The following FGF12 variants were observed in gnomAD, a reference collection of about 807,000 sequenced individuals.
FGF12 encodes the protein fibroblast growth factor 12, also known as fibroblast growth factor 12B.
In FGF12, 14 loss-of-function variants were observed where a neutral mutation model predicts 23.6. The ratio of observed to expected loss-of-function variants is 0.59; its 90% CI spans 0.39 to 0.93. FGF12 has a LOEUF of 0.93. Ranked by LOEUF, FGF12 falls within the 40% of genes least tolerant of loss-of-function variation. The pLI is 0.00. For synonymous variants in FGF12, 62 were observed against 77.3 expected, an observed-to-expected ratio of 0.80 and a Z score of 1.04; for missense variants, 175 against 217.8, an observed-to-expected ratio of 0.80 and a Z score of 1.24.
In FGF12 at chr3:192,669,462, C is replaced by T. The variant is rs113549223; in HGVS notation, c.13+57719G>A. On this transcript the variant is annotated intron_variant, in intron 2 of 5. Transcript: ENST00000445105. ...TTTAGCTGGGCATGGTGGTGGGGAC[C>T]TATAGTCCCAGCTACTTGGGAAACT... Among the ~76,000 whole-genome samples the T allele has an allele frequency of 7.1e-3, 1,081 of 151,828 alleles. 14 individuals carry two copies. The highest frequency in any genetic ancestry group is 0.024 in the African/African-American group (999 of 41,388).
At chr3:192,291,669 A>T (rs1714765893) in intron 4 of FGF12, among the ~76,000 whole-genome samples, 1 of 152,216 alleles carries the variant, frequency 6.6e-6, no homozygotes, top group African/African-American at 2.4e-5. Flanking sequence ...TACTCTGGGA[A>T]GTACTGGCTT....
At chr3:192,453,485 CT>C (rs2108802846) in intron 2 of FGF12, among the ~76,000 whole-genome samples, 1 of 152,204 alleles carries the variant, frequency 6.6e-6, no homozygotes, top group South Asian at 2.1e-4. Flanking sequence ...TCACATTTAA[CT>C]TCAAGGTCAT....
intron 2 of FGF12, among the ~76,000 whole-genome samples, chr3:192,432,620 CA>C (rs201364119): frequency 0.012 from 1,327 of 106,666 alleles, 2 homozygotes; most frequent in East Asian, 0.022. Context: ...TGACATCTGG[CA>C]AAAAAAAAAA....
intron 2 of FGF12, among the ~76,000 whole-genome samples, chr3:192,688,591 A>T (rs1395417681): frequency 6.6e-6 from 1 of 152,232 alleles, no homozygotes; most frequent in African/African-American, 2.4e-5. Context: ...ATCCTGTCTG[A>T]TCTCAGAAGA....
chr3:192,472,320 A>G (rs1196285699), intron 2 of FGF12, among the ~76,000 whole-genome samples: 1 of 151,930 alleles, frequency 6.6e-6, no homozygotes, highest in Non-Finnish European at 1.5e-5. Flanking sequence ...CCAGCCTAAT[A>G]TTTTTAAATC....
At chr3:192,452,207 G>A (rs1446283540) in intron 2 of FGF12, among the ~76,000 whole-genome samples, 1 of 152,060 alleles carries the variant, frequency 6.6e-6, no homozygotes, top group Non-Finnish European at 1.5e-5. Flanking sequence ...ATTTTTTTGT[G>A]AATGGGTGTT....
chr3:192,652,184 G>A (rs1716237679), intron 2 of FGF12, among the ~76,000 whole-genome samples: 2 of 152,154 alleles, frequency 1.3e-5, no homozygotes, highest in Admixed American at 6.6e-5. Context: ...TTACAAGTGG[G>A]ACATAAAGAT....
At chr3:192,640,870 T>A (rs939782931) in intron 2 of FGF12, among the ~76,000 whole-genome samples, 1 of 152,190 alleles carries the variant, frequency 6.6e-6, no homozygotes. Context: ...TGGAGTGCAG[T>A]GTCCCGATCA....
chr3:192,273,042 G>A (rs1160880659), intron 4 of FGF12, among the ~76,000 whole-genome samples: 1 of 152,212 alleles, frequency 6.6e-6, no homozygotes, highest in Non-Finnish European at 1.5e-5. Flanking sequence ...AACAGGTGAA[G>A]TGGATAGAGC....
intron 2 of FGF12, among the ~76,000 whole-genome samples, chr3:192,563,755 G>A (rs1346056874): frequency 6.6e-6 from 1 of 152,168 alleles, no homozygotes; most frequent in African/African-American, 2.4e-5. Flanking sequence ...AGTAGTTAAA[G>A]CTTGAACTTT....
At position 192,342,567 on chromosome 3, in the gene FGF12, T is replaced by C. The variant is rs1255243185; in HGVS notation, c.125-7103A>G. 2.0e-5 allele frequency among the ~76,000 whole-genome samples: 3 copies of C among 152,068 alleles called. No individual in the cohort carries two copies. The East Asian group carries it at 5.8e-4, about 29-fold the overall frequency. On this transcript the variant is annotated intron_variant, in intron 3 of 5. Transcript: ENST00000445105. ...AGGAGAATCACTTGAGCCCAGGAGT[T>C]TGCGACTAGCCTGGGAAACACAGGG...
intron 2 of FGF12, among the ~76,000 whole-genome samples, chr3:192,711,288 G>C (rs1002314421): frequency 3.9e-5 from 5 of 128,864 alleles, no homozygotes; most frequent in Admixed American, 1.7e-4. Context: ...GAGGGAGGTG[G>C]GGGGCAGCCC....
At chr3:192,489,392 T>C (rs80037126) in intron 2 of FGF12, among the ~76,000 whole-genome samples, 9,441 of 152,082 alleles carry the variant, frequency 0.062, 1,015 homozygotes, top group African/African-American at 0.22. Flanking sequence ...AATGCCGTCA[T>C]TGCTATAGAA....
intron 2 of FGF12, among the ~76,000 whole-genome samples, chr3:192,410,601 C>A (rs1212835600): frequency 6.6e-6 from 1 of 152,166 alleles, no homozygotes; most frequent in African/African-American, 2.4e-5. Flanking sequence ...TGGACCTTAT[C>A]GTGGGCCCCA....
intron 2 of FGF12, among the ~76,000 whole-genome samples, chr3:192,526,008 G>A (rs764001527): frequency 3.3e-5 from 5 of 152,258 alleles, no homozygotes; most frequent in East Asian, 3.9e-4. Context: ...TCCTGACTTC[G>A]TGATATGCCT....
rs532541938 is a variant in FGF12 at position 192,313,063 on chromosome 3, T to C, written c.228+22298A>G. ...TTAAGTATTACATCCTTAAAGAAAT[T>C]TCCAGAGAAATTCTGTCGAAATTAG... On this transcript the variant is annotated intron_variant, in intron 4 of 5. Transcript: ENST00000445105. Among the ~76,000 whole-genome samples the C allele has an allele frequency of 8.9e-4, 136 of 152,284 alleles. 3 individuals carry two copies. The South Asian group carries it at 0.018, about 20-fold the overall frequency.
intron 2 of FGF12, among the ~76,000 whole-genome samples, chr3:192,628,484 C>CAG (rs1316686866): frequency 2.0e-4 from 20 of 100,566 alleles, no homozygotes; most frequent in African/African-American, 5.6e-4. Context: ...CACACACACA[C>CAG]ACAGACATAT....
intron 2 of FGF12, among the ~76,000 whole-genome samples, chr3:192,589,016 C>G (rs1207907662): frequency 6.6e-6 from 1 of 151,846 alleles, no homozygotes; most frequent in Non-Finnish European, 1.5e-5. Flanking sequence ...TCAGCATGGT[C>G]AAGAATTTCA....
At chr3:192,320,240 A>C (rs527665820) in intron 4 of FGF12, among the ~76,000 whole-genome samples, 1 of 152,330 alleles carries the variant, frequency 6.6e-6, no homozygotes, top group South Asian at 2.1e-4. Context: ...AACCATAAAG[A>C]GACAAAAAAA....
Sources: allele counts gnomAD v4.1 joint callset (sites outside exome capture counted in the v4.1 genomes callset), GRCh38; gene constraint gnomAD v4.1.1; transcripts MANE v1.5; gene names NCBI Gene and HGNC (gene_info 2026-07-23, HGNC 2026-07-21).